The following HTRA4 variants were observed in gnomAD, a reference collection of about 807,000 sequenced individuals.
The protein encoded by HTRA4 is HtrA serine peptidase 4.
Under a neutral mutation model 49.1 loss-of-function variants are expected in HTRA4, and 46 were observed. That is an observed-to-expected ratio of 0.94 (90% CI 0.74 to 1.20). HTRA4 has a LOEUF of 1.20. HTRA4 is among the 50% of genes most tolerant of loss of function. HTRA4 has a pLI of 0.00. For missense variants in HTRA4, 602 were observed against 636.9 expected (o/e 0.95, Z 0.59); for synonymous variants, 261 against 264.0 (o/e 0.99, Z 0.11).
intron 5 of HTRA4, 34 bp from the exon 6 acceptor site, chr8:38,981,619 C>A: frequency 6.5e-7 from 1 of 1,534,386 alleles, no homozygotes; most frequent in Non-Finnish European, 9.0e-7. Flanking sequence ...GTTTGCAAAA[C>A]TTCATGACTG....
At chr8:38,984,104 A>G (rs7826010) in intron 8 of HTRA4, among the ~76,000 whole-genome samples, 62,421 of 151,332 alleles carry the variant, frequency 0.41, 13,445 homozygotes, top group East Asian at 0.75. Flanking sequence ...AGGTTCAAGC[A>G]ATTCTCCTGC....
At chr8:38,981,282 T>C (rs1835420492) in intron 5 of HTRA4, among the ~76,000 whole-genome samples, 1 of 151,554 alleles carries the variant, frequency 6.6e-6, no homozygotes. Flanking sequence ...GGTTTCACCA[T>C]GTTAGCCAGG....
At chr8:38,974,774 G>A in intron 1 of HTRA4, 45 bp downstream of exon 1, 1 of 1,416,516 alleles carries the variant, frequency 7.1e-7, no homozygotes, top group Non-Finnish European at 9.2e-7. Flanking sequence ...TCTAACTCTG[G>A]AGGAGCGTAA....
At chr8:38,976,949 T>G (rs1022015487) in intron 3 of HTRA4, among the ~76,000 whole-genome samples, 1 of 152,156 alleles carries the variant, frequency 6.6e-6, no homozygotes, top group African/African-American at 2.4e-5. Context: ...TTTCTTTCTT[T>G]TTTTTTGAAA....
At position 38,975,113 on chromosome 8, in the gene HTRA4, C is replaced by A; in HGVS notation, c.549C>A (p.His183Gln). The change falls in exon 2 of 9, where the codon CAC (histidine) becomes CAA (glutamine). Residue 183 changes from histidine to glutamine, a missense_variant. Coordinates refer to ENST00000302495, the MANE Select transcript of HTRA4 (RefSeq NM_153692.4). ...AGAAGGTGGCGCCATCGGTGGTTCA[C>A]GTGCAGCTGTGGGGCAGGTAAAGGA... is the stretch of plus-strand genomic sequence containing the variant. ...VVEKVAPSVV[H>Q]VQLWGRLLHG... 1 of 1,613,744 alleles carries A rather than the reference C, an allele frequency of 6.2e-7. No individual in the cohort carries two copies. Among genetic ancestry groups the A allele is most frequent in the Non-Finnish European group, 8.5e-7 (1 of 1,180,010 alleles).
chr8:38,981,664 G>A lies in HTRA4; in HGVS notation c.1011G>A (p.Val337=). 2 of 1,613,026 alleles carry A rather than the reference G, an allele frequency of 1.2e-6. No individual in the cohort carries two copies. The highest frequency in any genetic ancestry group is 1.7e-6 in the Non-Finnish European group (2 of 1,179,560). Residue 337 remains valine, a synonymous_variant, in exon 6 of 9, where the codon GTG becomes GTA. Transcript: ENST00000302495. ...GGPLVNLDGD[V]IGVNSLRVTD... ...CCCTCCCTTGCCAGGATGGTGATGT[G>A]ATTGGCGTCAATTCATTGAGGGTGA...
intron 8 of HTRA4, among the ~76,000 whole-genome samples, chr8:38,987,591 C>T (rs1298432546): frequency 6.6e-6 from 1 of 152,184 alleles, no homozygotes; most frequent in East Asian, 1.9e-4. Context: ...GCTGCTGAGG[C>T]TGGGAGCATG....
intron 1 of HTRA4, 50 bp from the exon 2 acceptor site, chr8:38,974,981 G>A (rs781153274): frequency 6.3e-7 from 1 of 1,594,334 alleles, no homozygotes; most frequent in Non-Finnish European, 8.6e-7. Context: ...AACTAGGATA[G>A]CAGGTCTGGT....
intron 5 of HTRA4, among the ~76,000 whole-genome samples, chr8:38,981,272 G>A (rs1030494150): frequency 1.3e-5 from 2 of 150,914 alleles, no homozygotes; most frequent in Admixed American, 6.6e-5. Context: ...GTAGAGATGG[G>A]GTTTCACCAT....
At chr8:38,974,836 C>A in intron 1 of HTRA4, 107 bp downstream of exon 1, 1 of 1,207,094 alleles carries the variant, frequency 8.3e-7, no homozygotes, top group Non-Finnish European at 1.1e-6. Flanking sequence ...CCTCCTGCGT[C>A]ATTTGCCTCC....
At chr8:38,975,416 C>A (rs1835337877) in intron 2 of HTRA4, among the ~76,000 whole-genome samples, 2 of 152,088 alleles carry the variant, frequency 1.3e-5, no homozygotes, top group Non-Finnish European at 2.9e-5. Flanking sequence ...TAGGCAATTT[C>A]TTTTCTTTTT....
At chr8:38,985,199 T>A (rs944287344) in intron 8 of HTRA4, among the ~76,000 whole-genome samples, 1 of 146,234 alleles carries the variant, frequency 6.8e-6, no homozygotes, top group Admixed American at 7.3e-5. Context: ...TCTCGCTCTG[T>A]CACCAGGCTG....
At chr8:38,986,954 G>A (rs532925816) in intron 8 of HTRA4, among the ~76,000 whole-genome samples, 4 of 152,316 alleles carry the variant, frequency 2.6e-5, no homozygotes, top group African/African-American at 9.6e-5. Context: ...TGACTCACAG[G>A]ACTAGTATGA....
chr8:38,974,773 G>A, intron 1 of HTRA4, 44 bp downstream of exon 1: 1 of 1,416,344 alleles, frequency 7.1e-7, no homozygotes, highest in African/African-American at 1.4e-5. Flanking sequence ...TTCTAACTCT[G>A]GAGGAGCGTA....
At chr8:38,977,117 G>A (rs1319726669) in intron 3 of HTRA4, among the ~76,000 whole-genome samples, 1 of 152,010 alleles carries the variant, frequency 6.6e-6, no homozygotes, top group Admixed American at 6.6e-5. Flanking sequence ...TGTACTTTTA[G>A]TAGAGACTGG....
At chr8:38,984,005 G>GTTTT (rs1481439656) in intron 8 of HTRA4, among the ~76,000 whole-genome samples, 1 of 150,550 alleles carries the variant, frequency 6.6e-6, no homozygotes. Flanking sequence ...TTCATTAATA[G>GTTTT]TTTTTTTTTC....
chr8:38,987,369 T>A (rs1835494794), intron 8 of HTRA4, among the ~76,000 whole-genome samples: 1 of 150,464 alleles, frequency 6.6e-6, no homozygotes, highest in Non-Finnish European at 1.5e-5. Context: ...GAGCCAGAGC[T>A]GGAAATATTT....
At chr8:38,984,292 C>T (rs982620011) in intron 8 of HTRA4, among the ~76,000 whole-genome samples, 20 of 151,910 alleles carry the variant, frequency 1.3e-4, no homozygotes, top group South Asian at 4.2e-4. Context: ...TGAGCCACCA[C>T]GCCTGGCCAT....
At position 38,981,694 on chromosome 8, in the gene HTRA4, T is replaced by C. The variant is rs753844610; in HGVS notation, c.1041T>C (p.Asp347=). Residue 347 remains aspartate, a synonymous_variant, in exon 6 of 9, where the codon GAT becomes GAC. Coordinates refer to ENST00000302495, the MANE Select transcript of HTRA4 (RefSeq NM_153692.4). The part of the protein sequence containing the change: ...VIGVNSLRVT[D]GISFAIPSDR... The stretch of plus-strand genomic sequence containing the variant: ...GCGTCAATTCATTGAGGGTGACTGA[T>C]GGAATCTCCTTTGCAATTCCTTCAG... 1.9e-6 allele frequency: 3 copies of C among 1,613,694 alleles called. No homozygotes were observed. The highest frequency in any genetic ancestry group is 3.3e-5 in the Admixed American group (2 of 59,950).
Sources: allele counts gnomAD v4.1 joint callset (sites outside exome capture counted in the v4.1 genomes callset), GRCh38; gene constraint gnomAD v4.1.1; transcripts MANE v1.5; gene names NCBI Gene and HGNC (gene_info 2026-07-23, HGNC 2026-07-21).